HFE: variants seen among roughly 807,000 people sequenced by gnomAD.
HFE encodes homeostatic iron regulator, also known as hereditary hemochromatosis protein.
A neutral mutation model predicts 40.9 loss-of-function variants in HFE; 36 were observed. The ratio of observed to expected loss-of-function variants is 0.88; its 90% CI spans 0.67 to 1.16. The LOEUF is 1.16. HFE is among the 50% of genes most tolerant of loss of function. The pLI, the probability that HFE is intolerant of heterozygous loss-of-function variation, is 0.00. For synonymous variants in HFE, 157 were observed against 165.4 expected, an observed-to-expected ratio of 0.95 and a Z score of 0.39; for missense variants, 376 against 432.0, an observed-to-expected ratio of 0.87 and a Z score of 1.15.
chr6:26,090,379 G>T (rs576290149), intron 1 of HFE, among the ~76,000 whole-genome samples: 3 of 139,404 alleles, frequency 2.2e-5, no homozygotes, highest in South Asian at 4.7e-4. Context: ...GGAGGTGCAG[G>T]TTGCAGTGAG....
Position 26,094,252 on chromosome 6 carries a change from G to A in HFE, c.*26G>A, listed in dbSNP as rs1196918606. The A allele has an allele frequency of 4.3e-6, 7 of 1,611,622 alleles. No homozygotes were observed. The highest frequency in any genetic ancestry group is 5.9e-6 in the Non-Finnish European group (7 of 1,177,824). The stretch of plus-strand genomic sequence containing the variant: ...CACGCAGCCTGCAGACTCACTGTGG[G>A]AAGGAGACAAAACTAGAGACTCAAA... On this transcript the variant is annotated 3_prime_UTR_variant, in exon 6 of 6. Transcript: ENST00000357618.
chr6:26,093,616 A>T (rs1762879277), intron 5 of HFE, among the ~76,000 whole-genome samples: 1 of 152,054 alleles, frequency 6.6e-6, no homozygotes, highest in South Asian at 2.1e-4. Flanking sequence ...CAAAGGAAAG[A>T]ATGATCACAT....
rs998274239 is a variant in HFE, at chr6:26,096,295, G to A, written c.*2069G>A. On this transcript the variant is annotated 3_prime_UTR_variant, in exon 6 of 6. Transcript: ENST00000357618. ...ATTACAGGCGTGCACCACCATGCCC[G>A]GCTAATTTTTGTATTTTTAGTAGAG... 1.0e-4 allele frequency: 36 copies of A among 344,022 alleles called. No individual in the cohort carries two copies. Among genetic ancestry groups the A allele is most frequent in the East Asian group, 4.0e-4 (5 of 12,580 alleles). 21.3% of individuals were successfully genotyped at this position (344,022 alleles called of 1,614,324 possible).
At chr6:26,092,328 CT>C (rs1307750285) in intron 3 of HFE, among the ~76,000 whole-genome samples, 1 of 152,122 alleles carries the variant, frequency 6.6e-6, no homozygotes, top group Non-Finnish European at 1.5e-5. Flanking sequence ...CTGAAGCTAC[CT>C]ATCTTACAAG....
chr6:26,096,146 T>TC lies in HFE; in HGVS notation c.*1921dup. The TC allele has an allele frequency of 1.4e-5, 2 of 147,212 alleles. No individual in the cohort carries two copies. The highest frequency in any genetic ancestry group is 3.8e-4 in the East Asian group (2 of 5,216). The allele number at this position is 147,212 out of a possible 1,614,324, so 9.1% of individuals were successfully genotyped here. ...AATCAGTTCACCATGTTCAAAAGAG[T>TC]CTTTTTTTTTTTTTTGAGACTCTAT... On this transcript the variant is annotated 3_prime_UTR_variant, in exon 6 of 6. Coordinates refer to ENST00000357618, the MANE Select transcript of HFE (RefSeq NM_000410.4).
chr6:26,094,800 A>T lies in HFE; in HGVS notation c.*574A>T, dbSNP rs1045533. 3.7e-6 allele frequency: 1 copy of T among 271,674 alleles called. No individual in the cohort carries two copies. Among genetic ancestry groups the T allele is most frequent in the Non-Finnish European group, 7.1e-6 (1 of 141,452 alleles). 16.8% of individuals were successfully genotyped at this position (271,674 alleles called of 1,614,324 possible). On this transcript the variant is annotated 3_prime_UTR_variant, in exon 6 of 6. Transcript: ENST00000357618. ...TGAGTTGCACAGCTATGAAGGCTGTACACTGCACGAATGGAAGAGGCACCT... is the reference window on the plus strand; with the variant it reads ...TGAGTTGCACAGCTATGAAGGCTGTTCACTGCACGAATGGAAGAGGCACCT...
intron 4 of HFE, 45 bp downstream of exon 4, chr6:26,093,005 G>A (rs774967281): frequency 3.7e-6 from 6 of 1,613,862 alleles, no homozygotes; most frequent in African/African-American, 1.3e-5. Context: ...TCTATTGGGG[G>A]TTGAGAGGAG....
At position 26,091,605 on chromosome 6, in the gene HFE, A is replaced by T; in HGVS notation, c.616+16A>T. 1 of 1,611,830 alleles carries T rather than the reference A, an allele frequency of 6.2e-7. No homozygotes were observed. ...GACCAACAAGGTATGGTGGAAACAC[A>T]CTTCTGCCCCTATACTCTAGTGGCA... is the stretch of plus-strand genomic sequence containing the variant. On this transcript the variant is annotated intron_variant, in intron 3 of 5. Transcript: ENST00000357618.
Position 26,094,640 on chromosome 6 carries a change from A to G in HFE, c.*414A>G. On this transcript the variant is annotated 3_prime_UTR_variant, in exon 6 of 6. Coordinates refer to ENST00000357618, the MANE Select transcript of HFE (RefSeq NM_000410.4). ...TGAACCCTGGGACGTGGCTAGTCAT[A>G]ACCTTACCAGATTTTTACACATGTA... The G allele has an allele frequency of 1.7e-6, 1 of 596,758 alleles. No individual in the cohort carries two copies. Among genetic ancestry groups the G allele is most frequent in the Non-Finnish European group, 3.0e-6 (1 of 335,824 alleles). 37.0% of individuals were successfully genotyped at this position (596,758 alleles called of 1,614,324 possible).
rs1020066346 is a variant in HFE, at chr6:26,096,388, C to T, written c.*2162C>T. The T allele has an allele frequency of 1.8e-5, 8 of 452,136 alleles. No individual in the cohort carries two copies. Among genetic ancestry groups the T allele is most frequent in the African/African-American group, 1.6e-4 (8 of 49,940 alleles). 28.0% of individuals were successfully genotyped at this position (452,136 alleles called of 1,614,324 possible). ...TGACCTCGTGATCCGCCTGCCTCGG[C>T]CTCCCAAAGTGCTGAGATTACAGGT... On this transcript the variant is annotated 3_prime_UTR_variant, in exon 6 of 6. Coordinates refer to ENST00000357618, the MANE Select transcript of HFE (RefSeq NM_000410.4).
chr6:26,093,237 G>A lies in HFE; in HGVS notation c.1006+5G>A. On this transcript the variant is annotated splice_donor_5th_base_variant and intron_variant, in intron 5 of 5. Transcript: ENST00000357618. Reference sequence around the variant, plus strand: ...TAAGGAAGAGGCAGGGTTCAAGTGAGTAGGAACAAGGGGGAAGTCTCTTAG... The same window carrying A: ...TAAGGAAGAGGCAGGGTTCAAGTGAATAGGAACAAGGGGGAAGTCTCTTAG... The A allele has an allele frequency of 6.3e-7, 1 of 1,592,442 alleles. No individual in the cohort carries two copies. The highest frequency in any genetic ancestry group is 8.6e-7 in the Non-Finnish European group (1 of 1,160,330).
At chr6:26,088,547 C>T (rs145711406) in intron 1 of HFE, among the ~76,000 whole-genome samples, 3 of 152,182 alleles carry the variant, frequency 2.0e-5, no homozygotes, top group East Asian at 1.9e-4. Flanking sequence ...GTGGGTCACA[C>T]GCCGGCCTCA....
Position 26,095,515 on chromosome 6 carries a change from A to G in HFE, c.*1289A>G, listed in dbSNP as rs1356442887. 2 of 151,356 alleles carry G rather than the reference A, an allele frequency of 1.3e-5. No individual in the cohort carries two copies. Among genetic ancestry groups the G allele is most frequent in the Non-Finnish European group, 2.9e-5 (2 of 67,874 alleles). The allele number at this position is 151,356 out of a possible 1,614,324, so 9.4% of individuals were successfully genotyped here. A position where few individuals can be genotyped will look rare whatever the true frequency, so the allele number is the denominator to read the frequency against. On this transcript the variant is annotated 3_prime_UTR_variant, in exon 6 of 6. Transcript: ENST00000357618. ...AAAAAATAAAAATAAAAATAAAAAA[A>G]TGAAAAAAAAAAGAAAGTGAAGTAT...
In HFE at chr6:26,094,166, T is replaced by C. The variant is rs201766788; in HGVS notation, c.1007-20T>C. On this transcript the variant is annotated intron_variant, in intron 5 of 5. Coordinates refer to ENST00000357618, the MANE Select transcript of HFE (RefSeq NM_000410.4). ...GCCTAGGTTTGTGATGCCTCTTTCC[T>C]GGGTCTCTTGTCTCCACAGGAGGAG... 6.2e-7 allele frequency: 1 copy of C among 1,613,410 alleles called. No homozygotes were observed. The highest frequency in any genetic ancestry group is 8.5e-7 in the Non-Finnish European group (1 of 1,179,720).
Position 26,096,483 on chromosome 6 carries a change from G to A in HFE, c.*2257G>A, listed in dbSNP as rs1335012613. On this transcript the variant is annotated 3_prime_UTR_variant, in exon 6 of 6. Coordinates refer to ENST00000357618, the MANE Select transcript of HFE (RefSeq NM_000410.4). Reference sequence around the variant, plus strand: ...TCCAGATGGCATGTGTTTACTTTATGTTACTACATGCACTTGGCTGCATAA... The same window carrying A: ...TCCAGATGGCATGTGTTTACTTTATATTACTACATGCACTTGGCTGCATAA... 4.4e-6 allele frequency: 2 copies of A among 456,204 alleles called. No individual in the cohort carries two copies. Among genetic ancestry groups the A allele is most frequent in the Non-Finnish European group, 8.8e-6 (2 of 226,782 alleles). The allele number at this position is 456,204 out of a possible 1,614,324, so 28.3% of individuals were successfully genotyped here.
At chr6:26,089,119 G>T (rs1181343011) in intron 1 of HFE, among the ~76,000 whole-genome samples, 1 of 144,232 alleles carries the variant, frequency 6.9e-6, no homozygotes, top group African/African-American at 2.6e-5. Context: ...GGGGGGGGGG[G>T]GCGGCGTGGG....
intron 1 of HFE, among the ~76,000 whole-genome samples, chr6:26,087,828 A>G (rs1671302162): frequency 6.6e-6 from 1 of 152,076 alleles, no homozygotes; most frequent in Non-Finnish European, 1.5e-5. Context: ...TCCTCACTTG[A>G]GCTGAGCTAA....
rs1185934945 is a variant in HFE at position 26,096,409 on chromosome 6, C to T, written c.*2183C>T. The T allele has an allele frequency of 6.8e-5, 31 of 454,674 alleles. No individual in the cohort carries two copies. Among genetic ancestry groups the T allele is most frequent in the Non-Finnish European group, 3.5e-5 (8 of 226,702 alleles). 28.2% of individuals were successfully genotyped at this position (454,674 alleles called of 1,614,324 possible). A position where few individuals can be genotyped will look rare whatever the true frequency, so the allele number is the denominator to read the frequency against. On this transcript the variant is annotated 3_prime_UTR_variant, in exon 6 of 6. Coordinates refer to ENST00000357618, the MANE Select transcript of HFE (RefSeq NM_000410.4). ...TCGGCCTCCCAAAGTGCTGAGATTA[C>T]AGGTGTGAGCCACCCTGCCCAGCCG...
chr6:26,093,798 G>A (rs2858996), intron 5 of HFE, among the ~76,000 whole-genome samples: 2,088 of 151,940 alleles, frequency 0.014, 36 homozygotes, highest in African/African-American at 0.039. Context: ...CTGAGTTTGC[G>A]TAGCTATCAC....
Sources: allele counts gnomAD v4.1 joint callset (sites outside exome capture counted in the v4.1 genomes callset), GRCh38; gene constraint gnomAD v4.1.1; transcripts MANE v1.5; gene names NCBI Gene and HGNC (gene_info 2026-07-23, HGNC 2026-07-21).